Variants in CAMKMT observed in about 807,000 individuals in gnomAD.
CAMKMT encodes the protein calmodulin-lysine N-methyltransferase, also known as CaM KMT.
Under a neutral mutation model 48.0 loss-of-function variants are expected in CAMKMT, and 53 were observed. The ratio of observed to expected loss-of-function variants is 1.10; its 90% confidence interval spans 0.89 to 1.39. CAMKMT has a LOEUF of 1.39. CAMKMT is among the 40% of genes most tolerant of loss of function. The pLI is 0.00. For synonymous variants in CAMKMT, 165 were observed against 152.3 expected, an observed-to-expected ratio of 1.08 and a Z score of -0.61; for missense variants, 428 against 402.7, an observed-to-expected ratio of 1.06 and a Z score of -0.54.
At chr2:44,593,372 A>C (rs1249634379) in intron 3 of CAMKMT, among the ~76,000 whole-genome samples, 1 of 152,160 alleles carries the variant, frequency 6.6e-6, no homozygotes, top group South Asian at 2.1e-4. Context: ...TGAATACTCA[A>C]AGGGAGGCAT....
At chr2:44,399,759 T>C (rs924507522) in intron 3 of CAMKMT, among the ~76,000 whole-genome samples, 3 of 152,184 alleles carry the variant, frequency 2.0e-5, no homozygotes, top group Non-Finnish European at 4.4e-5. Context: ...GTAGGATTTT[T>C]CTTGCAGGAG....
intron 7 of CAMKMT, among the ~76,000 whole-genome samples, chr2:44,735,392 T>C (rs1679302447): frequency 6.6e-6 from 1 of 152,198 alleles, no homozygotes; most frequent in South Asian, 2.1e-4. Flanking sequence ...TTTTACTATT[T>C]GTTTTGTGTT....
intron 3 of CAMKMT, among the ~76,000 whole-genome samples, chr2:44,592,996 A>C (rs1670397971): frequency 6.6e-6 from 1 of 152,216 alleles, no homozygotes; most frequent in South Asian, 2.1e-4. Context: ...TATCAATTAT[A>C]ACATGTTAAA....
At chr2:44,704,123 A>C (rs1677411572) in intron 3 of CAMKMT, among the ~76,000 whole-genome samples, 160 bp from the exon 4 acceptor site, 1 of 152,196 alleles carries the variant, frequency 6.6e-6, no homozygotes, top group Non-Finnish European at 1.5e-5. Flanking sequence ...CACTATAAAA[A>C]TAACAACAAT....
intron 2 of CAMKMT, 56 bp from the exon 3 acceptor site, chr2:44,390,185 T>A (rs1085486): frequency 0.72 from 1,000,298 of 1,382,916 alleles, 367,112 homozygotes; most frequent in South Asian, 0.81. Context: ...CTTTTTTGAA[T>A]ACTAAAAATG....
chr2:44,649,110 T>A (rs1310264598), intron 3 of CAMKMT, among the ~76,000 whole-genome samples: 2 of 152,156 alleles, frequency 1.3e-5, no homozygotes, highest in African/African-American at 4.8e-5. Context: ...ATAAGTGAGA[T>A]GACATTTTAA....
chr2:44,644,532 C>G (rs1295680482), intron 3 of CAMKMT, among the ~76,000 whole-genome samples: 1 of 152,170 alleles, frequency 6.6e-6, no homozygotes, highest in Non-Finnish European at 1.5e-5. Flanking sequence ...ATTATCAAAG[C>G]TGAAAAGGCT....
At chr2:44,545,838 T>C (rs1482031416) in intron 3 of CAMKMT, among the ~76,000 whole-genome samples, 2 of 151,982 alleles carry the variant, frequency 1.3e-5, no homozygotes, top group African/African-American at 4.8e-5. Context: ...ATGATGAAAA[T>C]CTAGAAGCCA....
At chr2:44,661,070 T>A (rs890150481) in intron 3 of CAMKMT, among the ~76,000 whole-genome samples, 1 of 152,142 alleles carries the variant, frequency 6.6e-6, no homozygotes, top group African/African-American at 2.4e-5. Flanking sequence ...ATTAAACCAT[T>A]ATTTTTATTT....
intron 4 of CAMKMT, 104 bp downstream of exon 4, chr2:44,704,447 A>T (rs898421769): frequency 7.8e-6 from 6 of 769,090 alleles, no homozygotes; most frequent in Non-Finnish European, 1.2e-5. Flanking sequence ...GTTAGAAAAA[A>T]ATATAAGAAA....
chr2:44,389,479 CTT>C (rs2104411084), intron 2 of CAMKMT, among the ~76,000 whole-genome samples: 1 of 152,074 alleles, frequency 6.6e-6, no homozygotes. Flanking sequence ...TTATTACAAA[CTT>C]TTATAACATT....
intron 3 of CAMKMT, among the ~76,000 whole-genome samples, chr2:44,636,091 A>AT (rs1416751389): frequency 6.6e-6 from 1 of 152,144 alleles, no homozygotes; most frequent in Non-Finnish European, 1.5e-5. Flanking sequence ...TGACAGGAAT[A>AT]TTTTTTTCCT....
At chr2:44,612,997 C>A (rs1001522618) in intron 3 of CAMKMT, among the ~76,000 whole-genome samples, 1 of 152,026 alleles carries the variant, frequency 6.6e-6, no homozygotes, top group African/African-American at 2.4e-5. Context: ...CATTGTCTGG[C>A]AATATGGGTA....
At chr2:44,583,250 G>A (rs1348696235) in intron 3 of CAMKMT, among the ~76,000 whole-genome samples, 2 of 152,144 alleles carry the variant, frequency 1.3e-5, no homozygotes, top group Non-Finnish European at 2.9e-5. Flanking sequence ...GGAGCCATCA[G>A]ATACAGTAAT....
intron 3 of CAMKMT, among the ~76,000 whole-genome samples, chr2:44,548,403 C>T (rs1344337434): frequency 6.6e-6 from 1 of 152,162 alleles, no homozygotes; most frequent in Non-Finnish European, 1.5e-5. Context: ...GCCATGGTCT[C>T]ACATGAAACC....
chr2:44,769,094 G>A (rs937009868), intron 10 of CAMKMT, among the ~76,000 whole-genome samples: 1 of 150,978 alleles, frequency 6.6e-6, no homozygotes, highest in East Asian at 1.9e-4. Context: ...TTACAACAGG[G>A]GAAAAAATTA....
chr2:44,694,747 T>C lies in CAMKMT; in HGVS notation c.377-9536T>C, dbSNP rs545236576. On this transcript the variant is annotated intron_variant, in intron 3 of 10. Coordinates refer to ENST00000378494, the MANE Select transcript of CAMKMT (RefSeq NM_024766.5). Reference sequence around the variant, plus strand: ...CTGACAAATTCAACAGGCCCAGTTCTGACAGAAGCAACTGCAGGGAACCAA... The same window carrying C: ...CTGACAAATTCAACAGGCCCAGTTCCGACAGAAGCAACTGCAGGGAACCAA... Among the ~76,000 whole-genome samples the C allele has an allele frequency of 3.3e-5, 5 of 152,340 alleles. No homozygotes were observed. In the South Asian group the frequency reaches 1.0e-3, roughly 32 times the overall value.
At chr2:44,634,060 C>G (rs969913099) in intron 3 of CAMKMT, among the ~76,000 whole-genome samples, 3 of 152,048 alleles carry the variant, frequency 2.0e-5, no homozygotes, top group African/African-American at 7.2e-5. Context: ...TTAATAATAT[C>G]TCTCTACTAT....
intron 3 of CAMKMT, among the ~76,000 whole-genome samples, chr2:44,654,109 A>G (rs1674233901): frequency 6.6e-6 from 1 of 152,212 alleles, no homozygotes; most frequent in Non-Finnish European, 1.5e-5. Context: ...CCTGTCACTT[A>G]CCAATGAAAT....
Sources: gnomAD v4.1 joint callset for allele counts (sites outside exome capture counted in the v4.1 genomes callset) on GRCh38, gnomAD v4.1.1 for gene constraint, MANE v1.5 for transcripts, NCBI Gene and HGNC (gene_info 2026-07-23, HGNC 2026-07-21) for gene names.